The following DCAF6 variants were observed in gnomAD, a reference collection of about 807,000 sequenced individuals.
DCAF6 encodes the protein DDB1 and CUL4 associated factor 6.
DCAF6 carries 54 observed loss-of-function variants against 125.1 expected under a neutral mutation model. That is an observed-to-expected ratio of 0.43 (90% CI 0.35 to 0.54). The LOEUF is 0.54. Ranked by LOEUF, DCAF6 falls within the 20% of genes least tolerant of loss-of-function variation. The pLI is 0.01. For missense variants in DCAF6, 934 were observed against 1,161.7 expected (o/e 0.80, Z 2.85); for synonymous variants, 371 against 390.4 (o/e 0.95, Z 0.58).
intron 17 of DCAF6, among the ~76,000 whole-genome samples, chr1:168,051,699 A>G (rs1303872505): frequency 6.6e-6 from 1 of 152,204 alleles, no homozygotes; most frequent in African/African-American, 2.4e-5. Context: ...AAGCCAAAAA[A>G]TATAATAGAT....
chr1:167,995,312 T>C (rs901952162), intron 7 of DCAF6, among the ~76,000 whole-genome samples: 1 of 152,222 alleles, frequency 6.6e-6, no homozygotes, highest in African/African-American at 2.4e-5. Context: ...CATTTTTTTT[T>C]CTGGGAGACT....
intron 10 of DCAF6, among the ~76,000 whole-genome samples, chr1:168,007,853 A>T (rs1683551881): frequency 6.6e-6 from 1 of 150,794 alleles, no homozygotes; most frequent in Non-Finnish European, 1.5e-5. Flanking sequence ...TAAATTCATG[A>T]CTCACAAATA....
chr1:167,864,851 G>C, the DCAF6 span, among the ~76,000 whole-genome samples: 1 of 149,806 alleles, frequency 6.7e-6, no homozygotes, highest in African/African-American at 2.5e-5. Context: ...CCCACGGATG[G>C]CCCAGATGCA....
chr1:167,904,575 C>A, the DCAF6 span: 1 of 402,554 alleles, frequency 2.5e-6, no homozygotes, highest in Non-Finnish European at 4.4e-6. Context: ...ATTTTCATTC[C>A]GTGGTAACAA....
At chr1:167,880,762 T>A in the DCAF6 span, among the ~76,000 whole-genome samples, 1 of 152,216 alleles carries the variant, frequency 6.6e-6, no homozygotes, top group African/African-American at 2.4e-5. Context: ...TTAGTACACT[T>A]CAAACACTTC....
the DCAF6 span, among the ~76,000 whole-genome samples, chr1:167,877,643 T>C: frequency 6.6e-6 from 1 of 152,062 alleles, no homozygotes. Context: ...AAGTGAATAA[T>C]TGTGATATAG....
chr1:167,936,713 A>G lies in DCAF6; in HGVS notation c.-199A>G. The G allele has an allele frequency of 3.4e-6, 2 of 581,448 alleles. No individual in the cohort carries two copies. Among genetic ancestry groups the G allele is most frequent in the Non-Finnish European group, 6.1e-6 (2 of 325,690 alleles). The allele number at this position is 581,448 out of a possible 1,614,324, so 36.0% of individuals were successfully genotyped here. A position where few individuals can be genotyped will look rare whatever the true frequency, so the allele number is the denominator to read the frequency against. Reference sequence around the variant, plus strand: ...TTCTGGTTAGTCTAAGAAGGAGAGTATGAGGCGAGCTCCGGCCCGGGTGCG... The same window carrying G: ...TTCTGGTTAGTCTAAGAAGGAGAGTGTGAGGCGAGCTCCGGCCCGGGTGCG... On this transcript the variant is annotated 5_prime_UTR_variant, in exon 1 of 22. An upstream start codon of the reference 5' UTR is lost. Transcript: ENST00000367840.
At chr1:167,934,030 C>T (rs527800844), upstream of DCAF6, among the ~76,000 whole-genome samples, 30 of 152,270 alleles carry the variant, frequency 2.0e-4, no homozygotes, top group African/African-American at 7.2e-4. Flanking sequence ...AAGACTGAAA[C>T]GTAGGTCTAT....
At chr1:168,029,755 C>T (rs758108801) in intron 12 of DCAF6, among the ~76,000 whole-genome samples, 3 of 151,784 alleles carry the variant, frequency 2.0e-5, no homozygotes, top group Admixed American at 6.6e-5. Flanking sequence ...CTGAGGTGGG[C>T]GAATCACGAG....
chr1:167,969,340 A>G (rs1557906611), intron 3 of DCAF6: 1 of 152,210 alleles, frequency 6.6e-6, no homozygotes, highest in Non-Finnish European at 1.5e-5. Flanking sequence ...TCAGTTTACA[A>G]ACAGTGGCTA....
the DCAF6 span, among the ~76,000 whole-genome samples, chr1:167,874,838 C>A: frequency 6.6e-6 from 1 of 151,998 alleles, no homozygotes; most frequent in Non-Finnish European, 1.5e-5. Context: ...TATAACATAC[C>A]ATTGAGTAAG....
the DCAF6 span, chr1:167,918,472 A>G: frequency 2.3e-5 from 14 of 605,462 alleles, no homozygotes; most frequent in Admixed American, 1.3e-4. Flanking sequence ...AAGTAGCTAT[A>G]CAGTTGTAAA....
the DCAF6 span, among the ~76,000 whole-genome samples, chr1:167,890,301 G>C: frequency 1.3e-5 from 2 of 152,076 alleles, no homozygotes; most frequent in African/African-American, 4.8e-5. Flanking sequence ...GGTTCTTGCA[G>C]ACTTATAGAG....
intron 17 of DCAF6, among the ~76,000 whole-genome samples, chr1:168,052,847 C>T (rs921476780): frequency 9.9e-5 from 15 of 152,232 alleles, no homozygotes; most frequent in Admixed American, 5.9e-4. Context: ...TCTCCAACTC[C>T]TTCTACTCCT....
intron 12 of DCAF6, among the ~76,000 whole-genome samples, chr1:168,024,204 G>T (rs1686031020): frequency 6.9e-6 from 1 of 145,572 alleles, no homozygotes; most frequent in African/African-American, 2.6e-5. Context: ...GTGACAGAGT[G>T]AGACCCCCAT....
chr1:167,882,532 G>T, the DCAF6 span, among the ~76,000 whole-genome samples: 2 of 150,656 alleles, frequency 1.3e-5, no homozygotes, highest in Non-Finnish European at 3.0e-5. Context: ...CTGGGAGCCA[G>T]AGGCAGTCCC....
chr1:167,921,625 C>T, the DCAF6 span, among the ~76,000 whole-genome samples: 2 of 152,042 alleles, frequency 1.3e-5, no homozygotes, highest in Admixed American at 1.3e-4. Context: ...TTGCTCCCAC[C>T]AGATGAGCTG....
intron 11 of DCAF6, among the ~76,000 whole-genome samples, chr1:168,018,906 C>G (rs777561945): frequency 6.6e-6 from 1 of 152,098 alleles, no homozygotes; most frequent in Admixed American, 6.5e-5. Context: ...TGCTTTATGC[C>G]TCAGTTTCCC....
At chr1:168,029,848 C>T (rs1409698453) in intron 12 of DCAF6, among the ~76,000 whole-genome samples, 1 of 152,002 alleles carries the variant, frequency 6.6e-6, no homozygotes, top group Non-Finnish European at 1.5e-5. Context: ...GCTGTGGTGG[C>T]GGGCACCTGT....
Sources: allele counts gnomAD v4.1 joint callset (sites outside exome capture counted in the v4.1 genomes callset), GRCh38; gene constraint gnomAD v4.1.1; transcripts MANE v1.5; gene names NCBI Gene and HGNC (gene_info 2026-07-23, HGNC 2026-07-21).